FOXN3: variants seen among roughly 807,000 people sequenced by gnomAD.
The protein encoded by FOXN3 is forkhead box protein N3.
In FOXN3, 7 loss-of-function variants were observed where a neutral mutation model predicts 38.4. The ratio of observed to expected loss-of-function variants is 0.18; its 90% confidence interval spans 0.10 to 0.34. The LOEUF is 0.34. Among genes scored for constraint, FOXN3 ranks in the 10% least tolerant of loss-of-function variants. The probability of loss-of-function intolerance (pLI) is 1.00; values close to 1 mark genes in which losing one functional copy is unlikely to be tolerated. For missense variants in FOXN3, 456 were observed against 613.4 expected (o/e 0.74, Z 2.71); for synonymous variants, 230 against 242.2 (o/e 0.95, Z 0.47).
intron 4 of FOXN3, among the ~76,000 whole-genome samples, chr14:89,252,866 G>A (rs1461207345): frequency 1.3e-5 from 2 of 152,152 alleles, no homozygotes; most frequent in Non-Finnish European, 1.5e-5. Context: ...ACTGGCATGC[G>A]TTTTCAACTG....
intron 5 of FOXN3, among the ~76,000 whole-genome samples, chr14:89,171,203 G>C (rs915871271): frequency 2.0e-5 from 3 of 152,048 alleles, no homozygotes; most frequent in Non-Finnish European, 4.4e-5. Flanking sequence ...TATTTGAAAA[G>C]AAAAACCCCT....
intron 3 of FOXN3, among the ~76,000 whole-genome samples, chr14:89,349,024 A>G (rs1402451528): frequency 6.6e-6 from 1 of 152,170 alleles, no homozygotes; most frequent in Non-Finnish European, 1.5e-5. Context: ...AATACTTCTG[A>G]GGTGCAGAGT....
At chr14:89,402,080 A>G (rs1170448709) in intron 2 of FOXN3, among the ~76,000 whole-genome samples, 1 of 152,194 alleles carries the variant, frequency 6.6e-6, no homozygotes, top group Admixed American at 6.5e-5. Context: ...AGTTATTACT[A>G]AAAGAACGAC....
intron 1 of FOXN3, among the ~76,000 whole-genome samples, chr14:89,461,670 A>T (rs1892850820): frequency 6.6e-6 from 1 of 152,188 alleles, no homozygotes. Context: ...AATTACTTGA[A>T]ATCTACAACA....
At chr14:89,460,513 C>T (rs756533165) in intron 1 of FOXN3, among the ~76,000 whole-genome samples, 1 of 152,190 alleles carries the variant, frequency 6.6e-6, no homozygotes. Flanking sequence ...TCTTGTTCCT[C>T]TCACTCTGCC....
At chr14:89,543,475 C>T (rs780490114) in intron 1 of FOXN3, among the ~76,000 whole-genome samples, 3 of 152,128 alleles carry the variant, frequency 2.0e-5, no homozygotes, top group Non-Finnish European at 4.4e-5. Context: ...CAAAAAAACC[C>T]CGACCATTCT....
intron 4 of FOXN3, among the ~76,000 whole-genome samples, chr14:89,257,148 A>AC (rs1195086338): frequency 1.1e-4 from 16 of 152,190 alleles, no homozygotes; most frequent in Non-Finnish European, 2.2e-4. Flanking sequence ...TCCATCCACC[A>AC]CCATCAACAA....
chr14:89,396,506 C>T (rs1596250459), intron 2 of FOXN3, among the ~76,000 whole-genome samples: 1 of 152,228 alleles, frequency 6.6e-6, no homozygotes, highest in African/African-American at 2.4e-5. Flanking sequence ...CCACATCAGT[C>T]AAATCCAGGT....
chr14:89,210,083 G>A (rs973651722), intron 4 of FOXN3, among the ~76,000 whole-genome samples: 18 of 152,182 alleles, frequency 1.2e-4, no homozygotes, highest in African/African-American at 4.3e-4. Context: ...GCTTGACACA[G>A]CACCTAGCAT....
chr14:89,480,833 C>T (rs929394292), intron 1 of FOXN3, among the ~76,000 whole-genome samples: 5 of 151,980 alleles, frequency 3.3e-5, no homozygotes, highest in Admixed American at 6.6e-5. Flanking sequence ...TAATGGAATT[C>T]CTTTAGTTTT....
chr14:89,235,910 TTG>T (rs1171828264), intron 4 of FOXN3, among the ~76,000 whole-genome samples: 1 of 152,116 alleles, frequency 6.6e-6, no homozygotes, highest in East Asian at 1.9e-4. Flanking sequence ...GATTATAAAT[TTG>T]TGTTGTTTGA....
intron 1 of FOXN3, among the ~76,000 whole-genome samples, chr14:89,471,583 C>CAA (rs1294514751): frequency 6.6e-6 from 1 of 151,360 alleles, no homozygotes; most frequent in African/African-American, 2.4e-5. Flanking sequence ...GACCTTGTCT[C>CAA]AAAAAAAAGA....
intron 2 of FOXN3, among the ~76,000 whole-genome samples, chr14:89,395,808 A>G (rs139234939): frequency 6.6e-6 from 1 of 152,252 alleles, no homozygotes; most frequent in East Asian, 1.9e-4. Flanking sequence ...GCTGATCTCT[A>G]AGGCTGGAGG....
intron 1 of FOXN3, among the ~76,000 whole-genome samples, chr14:89,568,442 C>T (rs2139890633): frequency 6.6e-6 from 1 of 152,304 alleles, no homozygotes; most frequent in African/African-American, 2.4e-5. Flanking sequence ...CCATGCCACA[C>T]TCTCCCTCAC....
At chr14:89,420,817 G>A (rs1891883589), upstream of FOXN3, among the ~76,000 whole-genome samples, 3 of 151,506 alleles carry the variant, frequency 2.0e-5, no homozygotes, top group Non-Finnish European at 4.4e-5. Context: ...TATGTGTTAA[G>A]GTCAGAGGGC....
intron 1 of FOXN3, among the ~76,000 whole-genome samples, chr14:89,580,699 A>G (rs1186358238): frequency 6.6e-6 from 1 of 152,232 alleles, no homozygotes; most frequent in Non-Finnish European, 1.5e-5. Flanking sequence ...TCTAGTGGGA[A>G]TACATTTGCT....
At chr14:89,525,807 A>G (rs912945686) in intron 1 of FOXN3, among the ~76,000 whole-genome samples, 1 of 152,206 alleles carries the variant, frequency 6.6e-6, no homozygotes, top group Non-Finnish European at 1.5e-5. Flanking sequence ...AAAACCAGAC[A>G]AAGATAGACA....
intron 1 of FOXN3, among the ~76,000 whole-genome samples, chr14:89,416,356 G>C (rs575048054): frequency 5.3e-4 from 80 of 152,230 alleles, no homozygotes; most frequent in African/African-American, 1.9e-3. Flanking sequence ...GGCGAGCCTC[G>C]AAAACAAATC....
chr14:89,470,122 T>C (rs1373899537), intron 1 of FOXN3, among the ~76,000 whole-genome samples: 3 of 152,342 alleles, frequency 2.0e-5, no homozygotes, highest in East Asian at 1.9e-4. Flanking sequence ...ATACACCAGC[T>C]AAACTAGATG....
Sources: allele counts gnomAD v4.1 joint callset (sites outside exome capture counted in the v4.1 genomes callset), GRCh38; gene constraint gnomAD v4.1.1; transcripts MANE v1.5; gene names NCBI Gene and HGNC (gene_info 2026-07-23, HGNC 2026-07-21).